The following SH3BP5 variants were observed in gnomAD, a reference collection of about 807,000 sequenced individuals.
SH3BP5 encodes the protein SH3 domain binding protein 5, also known as SH3 domain-binding protein 5.
SH3BP5 carries 22 observed loss-of-function variants against 43.3 expected under a neutral mutation model. The ratio of observed to expected loss-of-function variants is 0.51; its 90% confidence interval spans 0.36 to 0.73. The LOEUF is 0.73. Among genes scored for constraint, SH3BP5 ranks in the 30% least tolerant of loss-of-function variants. The pLI, the probability that SH3BP5 is intolerant of heterozygous loss-of-function variation, is 0.00. For synonymous variants in SH3BP5, 255 were observed against 225.8 expected (o/e 1.13, Z -1.16); for missense variants, 529 against 586.9 (o/e 0.90, Z 1.02).
chr3:15,332,522 C>T lies in SH3BP5; in HGVS notation c.-114G>A, dbSNP rs1023948784. ...ACAGCCGGGCACGGTCGGGGAGCCG[C>T]CGGGGCCGACACCCGGGAGACGCAG... On this transcript the variant is annotated 5_prime_UTR_variant, in exon 1 of 9. Transcript: ENST00000383791. 68 of 1,253,584 alleles carry T rather than the reference C, an allele frequency of 5.4e-5. No homozygotes were observed. The highest frequency in any genetic ancestry group is 3.1e-4 in the Middle Eastern group (1 of 3,278). The allele number at this position is 1,253,584 out of a possible 1,614,324, so 77.7% of individuals were successfully genotyped here.
At chr3:15,284,386 T>C (rs1273460240) in intron 3 of SH3BP5, among the ~76,000 whole-genome samples, 10 of 152,212 alleles carry the variant, frequency 6.6e-5, no homozygotes, top group Non-Finnish European at 1.2e-4. Flanking sequence ...TTTGTAAAGC[T>C]TTCTCACCAC....
At chr3:15,261,614 C>T (rs1487500990) in intron 5 of SH3BP5, among the ~76,000 whole-genome samples, 1 of 152,102 alleles carries the variant, frequency 6.6e-6, no homozygotes, top group East Asian at 1.9e-4. Flanking sequence ...GGGGGCTTGT[C>T]CCCAAGAGAG....
chr3:15,286,181 C>T lies in SH3BP5; in HGVS notation c.331-16304G>A, dbSNP rs148343427. 6.8e-4 allele frequency among the ~76,000 whole-genome samples: 104 copies of T among 152,318 alleles called. No individual in the cohort carries two copies. The East Asian group carries it at 0.015, about 21-fold the overall frequency. The stretch of plus-strand genomic sequence containing the variant: ...CACAGCTAGTGGCCCCTCTGGCTGC[C>T]GGAGGCCATACCACTTCAGGCCACC... On this transcript the variant is annotated intron_variant, in intron 3 of 8. Coordinates refer to ENST00000383791, the MANE Select transcript of SH3BP5 (RefSeq NM_004844.5).
chr3:15,315,116 G>A (rs1311658108), intron 2 of SH3BP5, among the ~76,000 whole-genome samples: 2 of 152,164 alleles, frequency 1.3e-5, no homozygotes, highest in East Asian at 1.9e-4. Context: ...GTCATATGAT[G>A]TATCAATCAA....
intron 3 of SH3BP5, among the ~76,000 whole-genome samples, chr3:15,290,043 G>C (rs1186765703): frequency 6.6e-6 from 1 of 152,160 alleles, no homozygotes; most frequent in Non-Finnish European, 1.5e-5. Context: ...CAAAGGGCTG[G>C]GGCATACACT....
At position 15,320,605 on chromosome 3, in the gene SH3BP5, AACACACACACAC is replaced by A. The variant is rs376414934; in HGVS notation, c.201+9887_201+9898del. On this transcript the variant is annotated intron_variant, in intron 2 of 8. Transcript: ENST00000383791. ...ATAGAGGTTTAATTCATCCAGCCAA[AACACACACACAC>A]ACACACACACACACACACACACACC... Among the ~76,000 whole-genome samples the A allele has an allele frequency of 1.2e-4, 15 of 126,954 alleles. No individual in the cohort carries two copies. The South Asian group carries it at 3.2e-3, about 27-fold the overall frequency. 83.3% of individuals were successfully genotyped at this position (126,954 alleles called of 152,430 possible). A position where few individuals can be genotyped will look rare whatever the true frequency, so the allele number is the denominator to read the frequency against.
chr3:15,325,024 C>T (rs1698426026), intron 2 of SH3BP5, among the ~76,000 whole-genome samples: 1 of 152,134 alleles, frequency 6.6e-6, no homozygotes, highest in Non-Finnish European at 1.5e-5. Context: ...TCCCACCTGA[C>T]CTGAGCAATG....
chr3:15,330,596 C>T, intron 1 of SH3BP5, 30 bp from the exon 2 acceptor site: 1 of 1,546,812 alleles, frequency 6.5e-7, no homozygotes, highest in Non-Finnish European at 8.7e-7. Context: ...GAAAAAAAGA[C>T]TTAAGGGATC....
intron 2 of SH3BP5, among the ~76,000 whole-genome samples, chr3:15,311,646 G>A (rs1174467024): frequency 6.6e-6 from 1 of 152,130 alleles, no homozygotes; most frequent in Non-Finnish European, 1.5e-5. Context: ...AGTGTCAAGC[G>A]TTAGATGTAA....
At chr3:15,332,853 T>A (rs1331776057), upstream of SH3BP5, among the ~76,000 whole-genome samples, 1 of 152,184 alleles carries the variant, frequency 6.6e-6, no homozygotes, top group African/African-American at 2.4e-5. Flanking sequence ...CGAGGCTCGT[T>A]GTTTGTGTGG....
chr3:15,332,742 T>A (rs13065750), upstream of SH3BP5: 1 of 832,188 alleles, frequency 1.2e-6, no homozygotes, highest in African/African-American at 1.8e-5. Context: ...GGTGGCAAAA[T>A]AGGACAGCCC....
chr3:15,281,794 G>A (rs1697137306), intron 3 of SH3BP5, among the ~76,000 whole-genome samples: 1 of 152,212 alleles, frequency 6.6e-6, no homozygotes, highest in Non-Finnish European at 1.5e-5. Flanking sequence ...CATGAGATCA[G>A]GAGGTCGAGA....
chr3:15,294,521 A>G (rs181156218), intron 3 of SH3BP5, among the ~76,000 whole-genome samples: 2 of 152,096 alleles, frequency 1.3e-5, no homozygotes, highest in Admixed American at 1.3e-4. Context: ...TAGATAATTA[A>G]CCAAGTCTGT....
intron 1 of SH3BP5, among the ~76,000 whole-genome samples, chr3:15,340,827 C>T (rs189128490): frequency 6.6e-6 from 1 of 151,648 alleles, no homozygotes; most frequent in Admixed American, 6.6e-5. Context: ...CTGAGGCGGG[C>T]GGATCACCTG....
At chr3:15,256,770 C>A in intron 8 of SH3BP5, 83 bp downstream of exon 8, 1 of 1,458,896 alleles carries the variant, frequency 6.9e-7, no homozygotes, top group South Asian at 1.4e-5. Flanking sequence ...GCCCTGAGAC[C>A]TGGCAGAGGT....
rs141812505 is a variant in SH3BP5 at position 15,302,073 on chromosome 3, T to C, written c.330+2030A>G. Among the ~76,000 whole-genome samples the C allele has an allele frequency of 1.4e-3, 216 of 152,272 alleles. 3 individuals carry two copies. Among genetic ancestry groups the C allele is most frequent in the African/African-American group, 4.8e-3 (200 of 41,532 alleles). ...TCTGAATTCCTCGATATTTATCCAA[T>C]GTTTAAATTAAATCCTCAGAAGCTT... On this transcript the variant is annotated intron_variant, in intron 3 of 8. Transcript: ENST00000383791.
upstream of SH3BP5, among the ~76,000 whole-genome samples, chr3:15,333,476 T>C (rs1559464190): frequency 6.6e-6 from 1 of 152,108 alleles, no homozygotes; most frequent in Non-Finnish European, 1.5e-5. Flanking sequence ...GAAAGGAGCT[T>C]CTTTCTGAGA....
chr3:15,264,028 C>A (rs1696547172), intron 4 of SH3BP5, among the ~76,000 whole-genome samples: 1 of 152,174 alleles, frequency 6.6e-6, no homozygotes, highest in East Asian at 1.9e-4. Context: ...AAAAAGAAGG[C>A]CACAGAGGAA....
At chr3:15,302,139 G>A (rs773702746) in intron 3 of SH3BP5, among the ~76,000 whole-genome samples, 12 of 152,130 alleles carry the variant, frequency 7.9e-5, no homozygotes, top group Non-Finnish European at 1.8e-4. Context: ...TTCCGTTTCA[G>A]GTCAAGAATG....
Sources: allele counts gnomAD v4.1 joint callset (sites outside exome capture counted in the v4.1 genomes callset), GRCh38; gene constraint gnomAD v4.1.1; transcripts MANE v1.5; gene names NCBI Gene and HGNC (gene_info 2026-07-23, HGNC 2026-07-21).